The following CDH2 variants were observed in gnomAD, a reference collection of about 807,000 sequenced individuals.
The protein encoded by CDH2 is cadherin-2.
Under a neutral mutation model 92.0 loss-of-function variants are expected in CDH2, and 17 were observed. The observed-to-expected ratio is 0.18, with a 90% CI of 0.13 to 0.28. The LOEUF (loss-of-function observed/expected upper bound fraction) is 0.28, where lower values mean the gene tolerates loss of function less well. CDH2 is among the 10% of genes least tolerant of loss of function. CDH2 has a pLI of 1.00. For missense variants in CDH2, 862 were observed against 1,133.1 expected (o/e 0.76, Z 3.44); for synonymous variants, 419 against 415.9 (o/e 1.01, Z -0.09).
chr18:28,086,078 G>A (rs1189169811), intron 2 of CDH2, among the ~76,000 whole-genome samples: 3 of 152,124 alleles, frequency 2.0e-5, no homozygotes, highest in East Asian at 1.9e-4. Context: ...GTTAATTTTC[G>A]CCTAACACAA....
chr18:28,084,611 T>A (rs1040086705), intron 2 of CDH2, among the ~76,000 whole-genome samples: 2 of 151,536 alleles, frequency 1.3e-5, no homozygotes, highest in African/African-American at 4.8e-5. Context: ...ACACACAGCA[T>A]AAAATATCAA....
At position 28,166,169 on chromosome 18, in the gene CDH2, T is replaced by TATATATATATATATATATAC. The variant is rs1568024430; in HGVS notation, c.60+10793_60+10794insGTATATATATATATATATAT. Among the ~76,000 whole-genome samples the TATATATATATATATATATAC allele has an allele frequency of 2.1e-5, 3 of 139,708 alleles. No individual in the cohort carries two copies. In the East Asian group the frequency reaches 6.1e-4, roughly 29 times the overall value. 91.7% of individuals were successfully genotyped at this position (139,708 alleles called of 152,430 possible). A position where few individuals can be genotyped will look rare whatever the true frequency, so the allele number is the denominator to read the frequency against. ...ACACTCATATATATATATATATATA[T>TATATATATATATATATATAC]ATATGTCTGTATTTTAATTATGAAG... is the stretch of plus-strand genomic sequence containing the variant. On this transcript the variant is annotated intron_variant, in intron 1 of 15. Coordinates refer to ENST00000269141, the MANE Select transcript of CDH2 (RefSeq NM_001792.5).
At chr18:27,953,899 C>A (rs1909585497) in intron 15 of CDH2, among the ~76,000 whole-genome samples, 1 of 152,042 alleles carries the variant, frequency 6.6e-6, no homozygotes, top group African/African-American at 2.4e-5. Context: ...AGAAAAATGT[C>A]CTGCCTTGGG....
Position 28,013,549 on chromosome 18 carries a change from T to G in CDH2, c.399+134A>C, listed in dbSNP as rs549533024. Reference sequence around the variant, plus strand: ...AGATTACAAACACAACAAAATATTATTAAAATGACCAAAGTTGATACAAAT... The same window carrying G: ...AGATTACAAACACAACAAAATATTAGTAAAATGACCAAAGTTGATACAAAT... On this transcript the variant is annotated intron_variant, in intron 3 of 15. Transcript: ENST00000269141. The G allele has an allele frequency of 7.3e-6, 5 of 683,866 alleles. No individual in the cohort carries two copies. The South Asian group carries it at 9.0e-5, about 12-fold the overall frequency. The allele number at this position is 683,866 out of a possible 1,614,324, so 42.4% of individuals were successfully genotyped here. A position where few individuals can be genotyped will look rare whatever the true frequency, so the allele number is the denominator to read the frequency against.
At chr18:27,968,814 G>A (rs1219583329) in intron 14 of CDH2, among the ~76,000 whole-genome samples, 1 of 152,136 alleles carries the variant, frequency 6.6e-6, no homozygotes, top group African/African-American at 2.4e-5. Context: ...TCACATGGAA[G>A]TAAATGGACA....
chr18:28,108,156 T>C (rs896622747), intron 2 of CDH2, among the ~76,000 whole-genome samples: 2 of 152,130 alleles, frequency 1.3e-5, no homozygotes, highest in Non-Finnish European at 2.9e-5. Context: ...ACTTATCCCA[T>C]TAACAGATAG....
chr18:28,087,182 A>G (rs1243949703), intron 2 of CDH2, among the ~76,000 whole-genome samples: 1 of 152,186 alleles, frequency 6.6e-6, no homozygotes, highest in African/African-American at 2.4e-5. Flanking sequence ...TTATGAGATC[A>G]ATTTCCTTGA....
intron 12 of CDH2, 61 bp from the exon 13 acceptor site, chr18:27,985,294 T>C: frequency 1.0e-6 from 1 of 978,972 alleles, no homozygotes; most frequent in South Asian, 1.4e-5. Flanking sequence ...AAAAAACACA[T>C]AGCATTGTTC....
chr18:27,936,358 C>T (rs566284723), intron 6 of CDH2, among the ~76,000 whole-genome samples: 1 of 152,268 alleles, frequency 6.6e-6, no homozygotes, highest in African/African-American at 2.4e-5. Context: ...GATTCTGGGA[C>T]ACAAATGCAG....
At chr18:27,943,350 A>G (rs892779065) in intron 6 of CDH2, among the ~76,000 whole-genome samples, 2 of 152,216 alleles carry the variant, frequency 1.3e-5, no homozygotes, top group African/African-American at 2.4e-5. Context: ...GACAAGCCAC[A>G]TAACTTCTCC....
chr18:27,963,786 G>A, intron 14 of CDH2: 1 of 420,120 alleles, frequency 2.4e-6, no homozygotes, highest in Admixed American at 3.6e-5. Context: ...GCAGTGTGAT[G>A]AGGTCTCACT....
At chr18:28,005,644 G>A (rs2012893912) in intron 6 of CDH2, among the ~76,000 whole-genome samples, 1 of 152,034 alleles carries the variant, frequency 6.6e-6, no homozygotes, top group Non-Finnish European at 1.5e-5. Context: ...AAATCAGTAT[G>A]AGTAATAAGA....
intron 2 of CDH2, among the ~76,000 whole-genome samples, chr18:28,066,529 G>T (rs953401952): frequency 6.6e-6 from 1 of 151,974 alleles, no homozygotes; most frequent in Non-Finnish European, 1.5e-5. Flanking sequence ...ACTTTTCAAA[G>T]GCAAAACTCT....
chr18:28,064,789 T>A (rs1033643867), intron 2 of CDH2, among the ~76,000 whole-genome samples: 7 of 152,104 alleles, frequency 4.6e-5, no homozygotes, highest in African/African-American at 1.7e-4. Flanking sequence ...GTCCCCTTCT[T>A]CGGAGATCTC....
chr18:27,982,379 A>G (rs1599008186), intron 14 of CDH2, among the ~76,000 whole-genome samples: 1 of 152,210 alleles, frequency 6.6e-6, no homozygotes, highest in Non-Finnish European at 1.5e-5. Context: ...TTGAATAACC[A>G]CCTCAAGCCA....
intron 2 of CDH2, among the ~76,000 whole-genome samples, chr18:28,096,679 A>C (rs2015140549): frequency 1.3e-5 from 2 of 152,330 alleles, no homozygotes; most frequent in Non-Finnish European, 2.9e-5. Context: ...GAATGTTAAC[A>C]AACTAAAGTG....
At chr18:28,095,807 CAAAA>C (rs33981188) in intron 2 of CDH2, among the ~76,000 whole-genome samples, 94 of 102,914 alleles carry the variant, frequency 9.1e-4, no homozygotes, top group Non-Finnish European at 8.9e-4. Context: ...GCAACTCCAT[CAAAA>C]AAAAAAAAAA....
intron 2 of CDH2, among the ~76,000 whole-genome samples, chr18:28,119,204 C>G (rs2015545781): frequency 6.6e-6 from 1 of 152,238 alleles, no homozygotes; most frequent in South Asian, 2.1e-4. Flanking sequence ...GGACCAGGTA[C>G]AGCCACTACT....
intron 6 of CDH2, among the ~76,000 whole-genome samples, chr18:27,945,106 T>G (rs544200195): frequency 9.9e-5 from 15 of 152,230 alleles, no homozygotes; most frequent in African/African-American, 3.6e-4. Context: ...CATCATCTTT[T>G]TCCACCCACC....
Sources: allele counts gnomAD v4.1 joint callset (sites outside exome capture counted in the v4.1 genomes callset), GRCh38; gene constraint gnomAD v4.1.1; transcripts MANE v1.5; gene names NCBI Gene and HGNC (gene_info 2026-07-23, HGNC 2026-07-21).